The following EEF2K variants were observed in gnomAD, a reference collection of about 807,000 sequenced individuals.
The protein encoded by EEF2K is alternative protein EEF2K.
A neutral mutation model predicts 93.8 loss-of-function variants in EEF2K; 70 were observed. The ratio of observed to expected loss-of-function variants is 0.75; its 90% CI spans 0.62 to 0.91. The LOEUF (loss-of-function observed/expected upper bound fraction) is 0.91. Ranked by LOEUF, EEF2K falls within the 40% of genes least tolerant of loss-of-function variation. The pLI, the probability that EEF2K is intolerant of heterozygous loss-of-function variation, is 0.00. For missense variants in EEF2K, 935 were observed against 972.9 expected (o/e 0.96, Z 0.52); for synonymous variants, 376 against 380.8 (o/e 0.99, Z 0.15).
At chr16:22,252,822 AAG>A (rs2047364142) in intron 6 of EEF2K, among the ~76,000 whole-genome samples, 1 of 152,204 alleles carries the variant, frequency 6.6e-6, no homozygotes, top group Non-Finnish European at 1.5e-5. Context: ...GGTGGCAGAC[AAG>A]AGAGATTGAG....
intron 1 of EEF2K, among the ~76,000 whole-genome samples, chr16:22,222,766 C>CCCAGCTA (rs1161442308): frequency 6.6e-6 from 1 of 150,864 alleles, no homozygotes; most frequent in African/African-American, 2.4e-5. Context: ...TGTCTGTAGT[C>CCCAGCTA]CCAGCTATTT....
intron 1 of EEF2K, among the ~76,000 whole-genome samples, chr16:22,209,662 C>T (rs2046896313): frequency 6.6e-6 from 1 of 152,212 alleles, no homozygotes; most frequent in Non-Finnish European, 1.5e-5. Flanking sequence ...CCCTGATGAA[C>T]TGAGAAGGCT....
rs771671721 is a variant in EEF2K at position 22,266,370 on chromosome 16, G to A, written c.1441-20G>A. ...TCCACCCCCAGCCCCTCGCTTCCCT[G>A]GCCGGTTCTTTCCCTTCAGGTATGT... On this transcript the variant is annotated intron_variant, in intron 13 of 17. Transcript: ENST00000263026. 1.2e-6 allele frequency: 2 copies of A among 1,608,538 alleles called. No individual in the cohort carries two copies. Among genetic ancestry groups the A allele is most frequent in the Admixed American group, 3.4e-5 (2 of 58,912 alleles).
intron 12 of EEF2K, 147 bp from the exon 13 acceptor site, chr16:22,264,671 C>A: frequency 1.4e-6 from 1 of 706,070 alleles, no homozygotes; most frequent in Non-Finnish European, 2.3e-6. Flanking sequence ...CCAGTGTCAC[C>A]TGGGAACATA....
chr16:22,233,850 C>G (rs1423570426), intron 2 of EEF2K, among the ~76,000 whole-genome samples: 1 of 152,184 alleles, frequency 6.6e-6, no homozygotes, highest in Non-Finnish European at 1.5e-5. Flanking sequence ...ATCCTGGGCT[C>G]AAGTGATCCT....
chr16:22,266,714 C>T lies in EEF2K; in HGVS notation c.1602C>T (p.His534=), dbSNP rs775485501. The change falls in exon 15 of 18, where the codon CAC becomes CAT. Residue 534 remains histidine, a synonymous_variant. Coordinates refer to ENST00000263026, the MANE Select transcript of EEF2K (RefSeq NM_013302.5). The part of the protein sequence containing the change: ...GKVHLAMVRY[H]EGGRFCEKGE... ...TCCATCTGGCCATGGTGCGCTACCA[C>T]GAGGGTGGGCGCTTCTGCGAGAAGG... 7.4e-5 allele frequency: 119 copies of T among 1,612,526 alleles called. No homozygotes were observed. Among genetic ancestry groups the T allele is most frequent in the Admixed American group, 1.3e-4 (8 of 59,908 alleles).
rs563327064 is a variant in EEF2K at position 22,285,130 on chromosome 16, G to C, written c.*1134G>C. 3 of 152,568 alleles carry C rather than the reference G, an allele frequency of 2.0e-5. No individual in the cohort carries two copies. The highest frequency in any genetic ancestry group is 2.0e-4 in the Admixed American group (3 of 15,268). The allele number at this position is 152,568 out of a possible 1,614,324, so 9.5% of individuals were successfully genotyped here. A position where few individuals can be genotyped will look rare whatever the true frequency, so the allele number is the denominator to read the frequency against. ...CAAAGCTTTTACACGTAAGGACAGC[G>C]GCTTGGAATGTGAGAGCCTTTTCTC... On this transcript the variant is annotated 3_prime_UTR_variant, in exon 18 of 18. Coordinates refer to ENST00000263026, the MANE Select transcript of EEF2K (RefSeq NM_013302.5).
chr16:22,272,395 G>A (rs899608891), intron 15 of EEF2K, among the ~76,000 whole-genome samples: 5 of 152,196 alleles, frequency 3.3e-5, no homozygotes, highest in African/African-American at 4.8e-5. Flanking sequence ...CAGATGGACC[G>A]TGAAAGCACT....
At chr16:22,232,019 AAG>A (rs2047121253) in intron 2 of EEF2K, among the ~76,000 whole-genome samples, 1 of 150,318 alleles carries the variant, frequency 6.7e-6, no homozygotes, top group African/African-American at 2.4e-5. Flanking sequence ...AAAAAAAAAA[AAG>A]CTTCATCACC....
chr16:22,221,235 C>G (rs2047008527), intron 1 of EEF2K, among the ~76,000 whole-genome samples: 1 of 152,056 alleles, frequency 6.6e-6, no homozygotes, highest in African/African-American at 2.4e-5. Context: ...ATCAGTAATC[C>G]TAGTGCTTTG....
intron 3 of EEF2K, among the ~76,000 whole-genome samples, chr16:22,247,640 C>T (rs1229643550): frequency 1.3e-5 from 2 of 152,170 alleles, no homozygotes; most frequent in African/African-American, 2.4e-5. Context: ...ATTAGCTCAT[C>T]TCCTTTTTGC....
intron 10 of EEF2K, 124 bp downstream of exon 10, chr16:22,258,819 GT>G: frequency 7.8e-7 from 1 of 1,289,582 alleles, no homozygotes; most frequent in Non-Finnish European, 1.1e-6. Flanking sequence ...GGCCCCAGTG[GT>G]TTTATAGGTG....
In EEF2K at chr16:22,226,507, C is replaced by CCTT. The variant is rs1363085530; in HGVS notation, c.246+542_246+544dup. On this transcript the variant is annotated intron_variant, in intron 2 of 17. Coordinates refer to ENST00000263026, the MANE Select transcript of EEF2K (RefSeq NM_013302.5). ...CTCTTTCTCTCTTTTTCTTTCTTTT[C>CCTT]CTTCTTCTTCTTTTTTTTTTTTTTT... Among the ~76,000 whole-genome samples the CCTT allele has an allele frequency of 1.9e-3, 213 of 114,498 alleles. 1 individual carries two copies. Among genetic ancestry groups the CCTT allele is most frequent in the Middle Eastern group, 4.9e-3 (1 of 206 alleles). 75.1% of individuals were successfully genotyped at this position (114,498 alleles called of 152,430 possible). A position where few individuals can be genotyped will look rare whatever the true frequency, so the allele number is the denominator to read the frequency against.
At chr16:22,283,173 G>A (rs1488376268) in intron 17 of EEF2K, among the ~76,000 whole-genome samples, 1 of 151,866 alleles carries the variant, frequency 6.6e-6, no homozygotes, top group Non-Finnish European at 1.5e-5. Flanking sequence ...GCTGGGCGTG[G>A]TGGCAGGTGC....
intron 2 of EEF2K, among the ~76,000 whole-genome samples, chr16:22,244,277 G>C (rs998927650): frequency 2.1e-5 from 3 of 139,606 alleles, no homozygotes; most frequent in Non-Finnish European, 4.5e-5. Flanking sequence ...TATTGTGTGT[G>C]TGTGTGTGTG....
In EEF2K at chr16:22,220,315, G is replaced by A. The variant is rs149882176; in HGVS notation, c.-76-5339G>A. On this transcript the variant is annotated intron_variant, in intron 1 of 17. Transcript: ENST00000263026. Reference sequence around the variant, plus strand: ...TTTCCCAGGGCCGAGGAGAACGTCAGGTCTGTGGTGGGACATGGCCGAGGG... The same window carrying A: ...TTTCCCAGGGCCGAGGAGAACGTCAAGTCTGTGGTGGGACATGGCCGAGGG... 2.6e-5 allele frequency among the ~76,000 whole-genome samples: 4 copies of A among 152,370 alleles called. 1 individual carries two copies. In the East Asian group the frequency reaches 7.7e-4, roughly 29 times the overall value.
At chr16:22,211,357 C>G (rs1175502356) in intron 1 of EEF2K, among the ~76,000 whole-genome samples, 1 of 152,180 alleles carries the variant, frequency 6.6e-6, no homozygotes, top group Non-Finnish European at 1.5e-5. Context: ...CTCCATGAGC[C>G]AGTCTTTCCC....
intron 1 of EEF2K, among the ~76,000 whole-genome samples, chr16:22,218,333 T>C (rs940537861): frequency 2.6e-5 from 4 of 152,222 alleles, no homozygotes; most frequent in Non-Finnish European, 5.9e-5. Flanking sequence ...CGTACACTAG[T>C]GTGTGCATTG....
intron 2 of EEF2K, among the ~76,000 whole-genome samples, chr16:22,230,695 A>G (rs1331703776): frequency 6.6e-6 from 1 of 152,076 alleles, no homozygotes; most frequent in Non-Finnish European, 1.5e-5. Context: ...CTGATTTTTA[A>G]AAAAATTTTT....
Sources: gnomAD v4.1 joint callset for allele counts (sites outside exome capture counted in the v4.1 genomes callset) on GRCh38, gnomAD v4.1.1 for gene constraint, MANE v1.5 for transcripts, NCBI Gene and HGNC (gene_info 2026-07-23, HGNC 2026-07-21) for gene names.